The following NRSN1 variants were observed in gnomAD, a reference collection of about 807,000 sequenced individuals.
The protein encoded by NRSN1 is neurensin 1.
In NRSN1, 14 loss-of-function variants were observed where a neutral mutation model predicts 17.3. The ratio of observed to expected loss-of-function variants is 0.81; its 90% CI spans 0.54 to 1.27. The LOEUF (loss-of-function observed/expected upper bound fraction) is 1.27. NRSN1 is among the 50% of genes most tolerant of loss of function. The probability of loss-of-function intolerance (pLI) is 0.00; values close to 1 mark genes in which losing one functional copy is unlikely to be tolerated. For missense variants in NRSN1, 209 were observed against 235.9 expected (o/e 0.89, Z 0.75); for synonymous variants, 79 against 94.2 (o/e 0.84, Z 0.93).
In NRSN1 at chr6:24,146,069, T is replaced by G. The variant is rs1760299314; in HGVS notation, c.*123T>G. 9.8e-7 allele frequency: 1 copy of G among 1,019,868 alleles called. No homozygotes were observed. The highest frequency in any genetic ancestry group is 1.6e-6 in the Non-Finnish European group (1 of 645,056). The allele number at this position is 1,019,868 out of a possible 1,614,324, so 63.2% of individuals were successfully genotyped here. A position where few individuals can be genotyped will look rare whatever the true frequency, so the allele number is the denominator to read the frequency against. Reference sequence around the variant, plus strand: ...TAGGGCTGTGTTCAGCTGTGGGCAATATAATGGGTGGACTCACACTTGCTC... The same window carrying G: ...TAGGGCTGTGTTCAGCTGTGGGCAAGATAATGGGTGGACTCACACTTGCTC... On this transcript the variant is annotated 3_prime_UTR_variant, in exon 4 of 4. Coordinates refer to ENST00000378491, the MANE Select transcript of NRSN1 (RefSeq NM_080723.5).
At chr6:24,141,971 T>C (rs1033314111) in intron 3 of NRSN1, among the ~76,000 whole-genome samples, 1 of 152,230 alleles carries the variant, frequency 6.6e-6, no homozygotes, top group Non-Finnish European at 1.5e-5. Flanking sequence ...GGAGTTAGTT[T>C]AGTGACATAG....
intron 1 of NRSN1, among the ~76,000 whole-genome samples, chr6:24,127,602 G>A (rs1044856852): frequency 1.2e-4 from 19 of 152,132 alleles, no homozygotes; most frequent in African/African-American, 3.6e-4. Context: ...GGAAGAAAAC[G>A]GATATAGGAG....
Position 24,146,424 on chromosome 6 carries a change from C to G in NRSN1, c.*478C>G, listed in dbSNP as rs962239030. The G allele has an allele frequency of 2.7e-6, 1 of 376,392 alleles. No individual in the cohort carries two copies. The highest frequency in any genetic ancestry group is 2.1e-5 in the South Asian group (1 of 47,738). The allele number at this position is 376,392 out of a possible 1,614,324, so 23.3% of individuals were successfully genotyped here. The stretch of plus-strand genomic sequence containing the variant: ...AACATGGAATTCTCTGATTTTGAGC[C>G]GAACATGAGTTTTTAGACTGTATCT... On this transcript the variant is annotated 3_prime_UTR_variant, in exon 4 of 4. Transcript: ENST00000378491.
intron 3 of NRSN1, among the ~76,000 whole-genome samples, chr6:24,135,644 GT>G (rs1393866742): frequency 1.3e-5 from 2 of 152,200 alleles, no homozygotes. Flanking sequence ...GTGAAAAGTA[GT>G]CAGATTTAGG....
chr6:24,137,423 TGAA>T (rs1478069038), intron 3 of NRSN1, among the ~76,000 whole-genome samples: 14 of 152,172 alleles, frequency 9.2e-5, no homozygotes, highest in African/African-American at 2.7e-4. Context: ...TCTTCAAATA[TGAA>T]GAAGATCTTT....
chr6:24,130,032 A>G (rs931055542), intron 2 of NRSN1, among the ~76,000 whole-genome samples: 8 of 152,200 alleles, frequency 5.3e-5, no homozygotes, highest in Admixed American at 2.0e-4. Context: ...TGAATTAAAT[A>G]TAATACTAAA....
At chr6:24,126,962 A>G (rs560725862) in intron 1 of NRSN1, among the ~76,000 whole-genome samples, 25 of 152,206 alleles carry the variant, frequency 1.6e-4, no homozygotes, top group Non-Finnish European at 2.6e-4. Flanking sequence ...ATGTTTTCAG[A>G]ACCTTGGAGA....
chr6:24,142,867 C>T (rs552237858), intron 3 of NRSN1, among the ~76,000 whole-genome samples: 41 of 152,266 alleles, frequency 2.7e-4, no homozygotes, highest in African/African-American at 9.6e-4. Context: ...GAGCAGGTTG[C>T]GGCTACTGGC....
intron 3 of NRSN1, among the ~76,000 whole-genome samples, chr6:24,144,613 T>C (rs1760271562): frequency 6.6e-6 from 1 of 152,144 alleles, no homozygotes; most frequent in Admixed American, 6.5e-5. Context: ...AGAGTGAGAC[T>C]AAAGCCATCA....
chr6:24,141,212 T>A, intron 3 of NRSN1: 1 of 1,268,196 alleles, frequency 7.9e-7, no homozygotes, highest in African/African-American at 1.5e-5. Flanking sequence ...CTCTTTCCAT[T>A]TGGGAGTCCT....
At chr6:24,127,312 A>T (rs933005708) in intron 1 of NRSN1, among the ~76,000 whole-genome samples, 1 of 152,222 alleles carries the variant, frequency 6.6e-6, no homozygotes, top group African/African-American at 2.4e-5. Flanking sequence ...GCTTTGGTCC[A>T]TATAGGCTGA....
Position 24,147,339 on chromosome 6 carries a change from C to T in NRSN1, c.*1393C>T, listed in dbSNP as rs567379271. On this transcript the variant is annotated 3_prime_UTR_variant, in exon 4 of 4. Coordinates refer to ENST00000378491, the MANE Select transcript of NRSN1 (RefSeq NM_080723.5). ...ATGGTATTTTCTTAAAATTGTGCCA[C>T]CTTAGAGCCCCCCCCCTTTTTTTTT... 8.2e-4 allele frequency: 122 copies of T among 149,144 alleles called. No homozygotes were observed. Among genetic ancestry groups the T allele is most frequent in the African/African-American group, 2.8e-3 (115 of 41,066 alleles). The allele number at this position is 149,144 out of a possible 1,614,324, so 9.2% of individuals were successfully genotyped here.
chr6:24,135,333 G>A (rs1760101378), intron 3 of NRSN1, among the ~76,000 whole-genome samples: 1 of 152,154 alleles, frequency 6.6e-6, no homozygotes, highest in Non-Finnish European at 1.5e-5. Context: ...GAACAGACCT[G>A]ACTGAAGGTC....
chr6:24,129,468 T>C (rs560064548), intron 2 of NRSN1: 1 of 152,296 alleles, frequency 6.6e-6, no homozygotes, highest in South Asian at 2.1e-4. Flanking sequence ...CCTGCCCACA[T>C]GTAGCTTACA....
At chr6:24,132,858 T>A (rs889450333) in intron 2 of NRSN1, among the ~76,000 whole-genome samples, 1 of 151,700 alleles carries the variant, frequency 6.6e-6, no homozygotes, top group African/African-American at 2.4e-5. Flanking sequence ...CCCCACCCCC[T>A]GACAGGTGTG....
chr6:24,145,647 G>T lies in NRSN1; in HGVS notation c.289G>T (p.Asp97Tyr), dbSNP rs775560059. The change falls in exon 4 of 4, where the codon GAT becomes TAT. Residue 97 changes from aspartate to tyrosine, a missense_variant. Coordinates refer to ENST00000378491, the MANE Select transcript of NRSN1 (RefSeq NM_080723.5). This position sits in a 1 kb window ranked among gnomAD's most constrained non-coding sequence, Gnocchi z 4.4. ...PPKIEAFGEA[D>Y]FVVVDTHAVQ... ...CAAAATCGAAGCATTTGGCGAAGCC[G>T]ATTTTGTGGTGGTCGACACACATGC... 6.2e-7 allele frequency: 1 copy of T among 1,614,102 alleles called. No individual in the cohort carries two copies. The highest frequency in any genetic ancestry group is 1.1e-5 in the South Asian group (1 of 91,072).
intron 2 of NRSN1, chr6:24,128,730 G>A (rs1759987928): frequency 6.6e-6 from 1 of 152,204 alleles, no homozygotes; most frequent in Non-Finnish European, 1.5e-5. Context: ...TGGCCCTGTG[G>A]AAAAGTGGCT....
intron 3 of NRSN1, among the ~76,000 whole-genome samples, chr6:24,139,730 G>C (rs1295192315): frequency 6.6e-6 from 1 of 152,244 alleles, no homozygotes; most frequent in Non-Finnish European, 1.5e-5. Context: ...ACGCTAAAGA[G>C]AACATAGTGA....
chr6:24,144,783 A>G (rs537348072), intron 3 of NRSN1, among the ~76,000 whole-genome samples: 153 of 152,012 alleles, frequency 1.0e-3, no homozygotes, highest in Middle Eastern at 3.4e-3. Flanking sequence ...GCATGTGTTA[A>G]TGTTCTGTGA....
Sources: gnomAD v4.1 joint callset for allele counts (sites outside exome capture counted in the v4.1 genomes callset) on GRCh38, gnomAD v4.1.1 for gene constraint, Gnocchi (gnomAD v3.1) non-coding constraint, MANE v1.5 for transcripts, NCBI Gene and HGNC (gene_info 2026-07-23, HGNC 2026-07-21) for gene names.